The following GAS7 variants were observed in gnomAD, a reference collection of about 807,000 sequenced individuals.
GAS7 encodes growth arrest-specific protein 7.
GAS7 carries 28 observed loss-of-function variants against 71.1 expected under a neutral mutation model. The observed-to-expected ratio is 0.39, with a 90% CI of 0.29 to 0.54. GAS7 has a LOEUF of 0.54. Among genes scored for constraint, GAS7 ranks in the 20% least tolerant of loss-of-function variants. GAS7 has a pLI of 0.62. For synonymous variants in GAS7, 258 were observed against 245.8 expected (o/e 1.05, Z -0.46); for missense variants, 436 against 627.8 (o/e 0.69, Z 3.27).
At chr17:9,952,514 C>T (rs921806100) in intron 5 of GAS7, among the ~76,000 whole-genome samples, 9 of 152,120 alleles carry the variant, frequency 5.9e-5, no homozygotes, top group African/African-American at 2.2e-4. Flanking sequence ...GCTTCAGCCT[C>T]GCGAGTAGCT....
At chr17:10,007,734 A>G (rs577217917) in intron 2 of GAS7, among the ~76,000 whole-genome samples, 3 of 152,200 alleles carry the variant, frequency 2.0e-5, no homozygotes, top group South Asian at 2.1e-4. Context: ...TTTTATTGCA[A>G]TATAATTCAC....
intron 1 of GAS7, among the ~76,000 whole-genome samples, chr17:10,142,097 A>G (rs537289191): frequency 6.6e-6 from 1 of 151,880 alleles, no homozygotes; most frequent in East Asian, 2.0e-4. Context: ...GCGTGGTGGC[A>G]GGTGCCTGTA....
intron 2 of GAS7, among the ~76,000 whole-genome samples, chr17:10,012,132 T>G (rs1028111353): frequency 6.6e-6 from 1 of 152,294 alleles, no homozygotes; most frequent in Middle Eastern, 3.4e-3. Flanking sequence ...ATCTTGGCCA[T>G]CTATCTATAC....
intron 2 of GAS7, among the ~76,000 whole-genome samples, chr17:9,993,367 A>C (rs1361261182): frequency 6.6e-6 from 1 of 152,048 alleles, no homozygotes; most frequent in Non-Finnish European, 1.5e-5. Flanking sequence ...GATGGTGAAC[A>C]TTTTTTCATG....
chr17:10,021,890 T>C (rs971980489), intron 1 of GAS7, among the ~76,000 whole-genome samples: 1 of 152,182 alleles, frequency 6.6e-6, no homozygotes, highest in East Asian at 1.9e-4. Flanking sequence ...AAGTATCCCA[T>C]GCACAGGAGA....
At chr17:10,001,876 A>C (rs1182359930) in intron 2 of GAS7, among the ~76,000 whole-genome samples, 2 of 152,164 alleles carry the variant, frequency 1.3e-5, no homozygotes, top group Admixed American at 1.3e-4. Context: ...AGCTCTTCTA[A>C]GCAAGAGCCT....
At chr17:10,046,707 G>C (rs1211954976) in intron 1 of GAS7, among the ~76,000 whole-genome samples, 3 of 145,594 alleles carry the variant, frequency 2.1e-5, no homozygotes, top group Admixed American at 6.9e-5. Context: ...CTGCACTCCA[G>C]CCTGGGTGAC....
At chr17:10,001,450 T>A (rs1400891517) in intron 2 of GAS7, among the ~76,000 whole-genome samples, 4 of 152,132 alleles carry the variant, frequency 2.6e-5, no homozygotes, top group African/African-American at 9.7e-5. Context: ...CCCAACTTGA[T>A]GAGGTGTCGT....
intron 2 of GAS7, among the ~76,000 whole-genome samples, chr17:9,986,749 T>C (rs1023672294): frequency 1.3e-5 from 2 of 152,156 alleles, no homozygotes; most frequent in African/African-American, 4.8e-5. Flanking sequence ...CCCTCCCCTC[T>C]AACCTCCAAA....
At chr17:10,124,305 A>G (rs2073927976) in intron 1 of GAS7, among the ~76,000 whole-genome samples, 1 of 152,220 alleles carries the variant, frequency 6.6e-6, no homozygotes, top group Admixed American at 6.5e-5. Flanking sequence ...TGAGCCCGTG[A>G]GGCCTGACCA....
At chr17:10,039,626 T>G (rs1259226978) in intron 1 of GAS7, 1 of 391,566 alleles carries the variant, frequency 2.6e-6, no homozygotes, top group Non-Finnish European at 5.1e-6. Context: ...GAGGTTGTAG[T>G]GAGCCAAGAT....
At chr17:10,099,439 C>T (rs1463170816) in intron 1 of GAS7, among the ~76,000 whole-genome samples, 2 of 152,202 alleles carry the variant, frequency 1.3e-5, no homozygotes, top group African/African-American at 2.4e-5. Flanking sequence ...TAAACACCGT[C>T]ATGCTGTTAA....
At position 10,137,542 on chromosome 17, in the gene GAS7, CTT is replaced by C. The variant is rs71139019; in HGVS notation, c.183+60664_183+60665del. On this transcript the variant is annotated intron_variant, in intron 1 of 13. Coordinates refer to ENST00000432992, the MANE Select transcript of GAS7 (RefSeq NM_201433.2). ...AATTCCTAGCACAGTGAAGTTTTCT[CTT>C]TTTTTTTTTTTTGAGACAGAGTTTC... Among the ~76,000 whole-genome samples the C allele has an allele frequency of 8.2e-3, 1,192 of 144,520 alleles. 20 individuals are homozygous for C. The highest frequency in any genetic ancestry group is 0.066 in the South Asian group (304 of 4,620). 94.8% of individuals were successfully genotyped at this position (144,520 alleles called of 152,430 possible).
At chr17:10,061,860 C>T (rs762397074) in intron 1 of GAS7, among the ~76,000 whole-genome samples, 4 of 152,192 alleles carry the variant, frequency 2.6e-5, no homozygotes, top group African/African-American at 9.7e-5. Flanking sequence ...TATGGCACTC[C>T]ATGTGTAGCC....
At chr17:10,123,051 C>G (rs1221331294) in intron 1 of GAS7, among the ~76,000 whole-genome samples, 1 of 152,136 alleles carries the variant, frequency 6.6e-6, no homozygotes, top group African/African-American at 2.4e-5. Context: ...AGGCTGGTCT[C>G]AAACTCCTGG....
chr17:9,992,617 A>G (rs1215733946), intron 2 of GAS7, among the ~76,000 whole-genome samples: 1 of 149,648 alleles, frequency 6.7e-6, no homozygotes, highest in Non-Finnish European at 1.5e-5. Context: ...ATTTATTATT[A>G]TTATACTTTA....
At chr17:9,950,278 C>T (rs184451063) in intron 5 of GAS7, among the ~76,000 whole-genome samples, 90 of 152,140 alleles carry the variant, frequency 5.9e-4, no homozygotes, top group Admixed American at 4.5e-3. Context: ...GAAGCCAAGG[C>T]GGGCAGATCA....
chr17:10,052,102 C>A (rs1053240070), intron 1 of GAS7, among the ~76,000 whole-genome samples: 1 of 152,254 alleles, frequency 6.6e-6, no homozygotes, highest in African/African-American at 2.4e-5. Context: ...TCACCCCACA[C>A]TGTCCCCCGA....
At chr17:10,088,624 C>T (rs2073547738) in intron 1 of GAS7, among the ~76,000 whole-genome samples, 1 of 152,184 alleles carries the variant, frequency 6.6e-6, no homozygotes, top group Non-Finnish European at 1.5e-5. Context: ...AATCCTCACA[C>T]AGCCTGGTGT....
Sources: allele counts gnomAD v4.1 joint callset (sites outside exome capture counted in the v4.1 genomes callset), GRCh38; gene constraint gnomAD v4.1.1; transcripts MANE v1.5; gene names NCBI Gene and HGNC (gene_info 2026-07-23, HGNC 2026-07-21).